CRYBA4: variants seen among roughly 807,000 people sequenced by gnomAD.
CRYBA4 encodes crystallin beta A4, also known as beta-crystallin A4.
CRYBA4 carries 30 observed loss-of-function variants against 31.7 expected under a neutral mutation model. That is an observed-to-expected ratio of 0.95 (90% CI 0.71 to 1.28). CRYBA4 has a LOEUF of 1.28. Among genes scored for constraint, CRYBA4 ranks in the 50% most tolerant of loss-of-function variants. The pLI is 0.00. For synonymous variants in CRYBA4, 102 were observed against 102.3 expected (o/e 1.00, Z 0.02); for missense variants, 225 against 260.7 (o/e 0.86, Z 0.94).
the CRYBA4 span, chr22:26,611,965 G>T: frequency 1.2e-6 from 1 of 815,482 alleles, no homozygotes; most frequent in Non-Finnish European, 2.2e-6. Context: ...TGTGCCAGGA[G>T]TACGAACGGC....
At chr22:26,625,715 G>A (rs1424353969) in intron 4 of CRYBA4, 93 bp downstream of exon 4, 30 of 1,290,506 alleles carry the variant, frequency 2.3e-5, no homozygotes, top group African/African-American at 3.0e-5. Context: ...TTCTCATGTC[G>A]CCACTTCAAG....
At chr22:26,620,699 GA>G (rs1441419242), upstream of CRYBA4, among the ~76,000 whole-genome samples, 1 of 43,246 alleles carries the variant, frequency 2.3e-5, no homozygotes, top group Non-Finnish European at 4.0e-5. Flanking sequence ...TAGTAGCTGG[GA>G]TTACAGGCGC....
intron 4 of CRYBA4, among the ~76,000 whole-genome samples, chr22:26,627,680 CT>C (rs1929795058): frequency 7.7e-6 from 1 of 130,640 alleles, no homozygotes; most frequent in Non-Finnish European, 1.6e-5. Flanking sequence ...GGAGTTTTTG[CT>C]TTTGTTGTCC....
At chr22:26,606,151 C>T in the CRYBA4 span, among the ~76,000 whole-genome samples, 4 of 152,146 alleles carry the variant, frequency 2.6e-5, no homozygotes, top group African/African-American at 9.7e-5. Context: ...TGGATCTCAG[C>T]CCTGGCTGCA....
At chr22:26,617,612 C>A (rs1929398618), upstream of CRYBA4, among the ~76,000 whole-genome samples, 1 of 151,984 alleles carries the variant, frequency 6.6e-6, no homozygotes, top group Non-Finnish European at 1.5e-5. Flanking sequence ...CCCTCTGTTC[C>A]TCCTCTCTTC....
At chr22:26,608,335 G>A in the CRYBA4 span, among the ~76,000 whole-genome samples, 6 of 152,318 alleles carry the variant, frequency 3.9e-5, no homozygotes, top group East Asian at 5.8e-4. Flanking sequence ...CTAGATGTAA[G>A]GTTCATACAT....
At chr22:26,595,930 A>C in the CRYBA4 span, among the ~76,000 whole-genome samples, 1 of 148,644 alleles carries the variant, frequency 6.7e-6, no homozygotes, top group Non-Finnish European at 1.5e-5. Context: ...GCACCACTGC[A>C]CCCAGCTTAT....
the CRYBA4 span, among the ~76,000 whole-genome samples, chr22:26,611,754 G>A: frequency 1.3e-5 from 2 of 152,140 alleles, no homozygotes; most frequent in Non-Finnish European, 2.9e-5. Context: ...GATTACAGGC[G>A]TGAGCCACCG....
chr22:26,600,399 CT>C, the CRYBA4 span, among the ~76,000 whole-genome samples: 1 of 150,392 alleles, frequency 6.6e-6, no homozygotes, highest in African/African-American at 2.4e-5. Flanking sequence ...GAGACTCCAT[CT>C]CAAAAAAAAA....
chr22:26,601,828 T>G, the CRYBA4 span: 1 of 1,610,656 alleles, frequency 6.2e-7, no homozygotes, highest in East Asian at 2.2e-5. Context: ...AGCCTCTGAT[T>G]CTGCCTGTGC....
At chr22:26,606,047 C>T in the CRYBA4 span, among the ~76,000 whole-genome samples, 2 of 152,164 alleles carry the variant, frequency 1.3e-5, no homozygotes, top group Admixed American at 6.5e-5. Flanking sequence ...CATCCGCTAT[C>T]GTTAGTGATA....
the CRYBA4 span, among the ~76,000 whole-genome samples, chr22:26,608,239 C>T: frequency 6.6e-6 from 1 of 151,678 alleles, no homozygotes; most frequent in African/African-American, 2.4e-5. Flanking sequence ...CTTTGTTTCT[C>T]ATCTACACTC....
At chr22:26,591,541 G>C in the CRYBA4 span, among the ~76,000 whole-genome samples, 2 of 149,990 alleles carry the variant, frequency 1.3e-5, no homozygotes, top group Non-Finnish European at 2.9e-5. Context: ...AGGAATCCAA[G>C]ACCAGCCTGA....
the CRYBA4 span, among the ~76,000 whole-genome samples, chr22:26,606,969 A>G: frequency 2.8e-5 from 4 of 144,508 alleles, no homozygotes; most frequent in Admixed American, 6.9e-5. Context: ...AATTCAGTAT[A>G]TTGTCTTATT....
At chr22:26,618,484 G>GTTTTCTTTTCTATA (rs1569208832), upstream of CRYBA4, among the ~76,000 whole-genome samples, 4,927 of 152,310 alleles carry the variant, frequency 0.032, 235 homozygotes, top group African/African-American at 0.11. Flanking sequence ...AGAAAAGAAG[G>GTTTTCTTTTCTATA]TGACAATGAG....
upstream of CRYBA4, among the ~76,000 whole-genome samples, chr22:26,621,064 G>C (rs1016359520): frequency 6.6e-6 from 1 of 152,126 alleles, no homozygotes; most frequent in African/African-American, 2.4e-5. Context: ...TTACACACAA[G>C]TATGTATGTA....
At chr22:26,606,611 C>G in the CRYBA4 span, among the ~76,000 whole-genome samples, 1 of 152,336 alleles carries the variant, frequency 6.6e-6, no homozygotes, top group Admixed American at 6.5e-5. Context: ...TGAATTCTTA[C>G]AGAGAGTGCA....
chr22:26,613,383 G>GC, the CRYBA4 span, among the ~76,000 whole-genome samples: 2 of 152,222 alleles, frequency 1.3e-5, no homozygotes, highest in East Asian at 3.8e-4. Flanking sequence ...CTGTATGTGT[G>GC]CCCCGGGATG....
chr22:26,612,059 G>A, the CRYBA4 span: 24 of 1,591,086 alleles, frequency 1.5e-5, no homozygotes, highest in East Asian at 2.7e-4. Flanking sequence ...CCCCTCCGCC[G>A]CCCAGTACTC....
Sources: gnomAD v4.1 joint callset for allele counts (sites outside exome capture counted in the v4.1 genomes callset) on GRCh38, gnomAD v4.1.1 for gene constraint, MANE v1.5 for transcripts, NCBI Gene and HGNC (gene_info 2026-07-23, HGNC 2026-07-21) for gene names.